Variants in NPIPB15 observed in about 807,000 individuals in gnomAD.
NPIPB15 encodes the protein nuclear pore complex interacting protein family member B15, also known as nuclear pore complex-interacting protein family member B15.
NPIPB15 carries 5 observed loss-of-function variants against 35.9 expected under a neutral mutation model. The observed-to-expected ratio is 0.14, with a 90% CI of 0.07 to 0.29. The LOEUF (loss-of-function observed/expected upper bound fraction) is 0.29, where lower values mean the gene tolerates loss of function less well. Ranked by LOEUF, NPIPB15 falls within the 10% of genes least tolerant of loss-of-function variation. The probability of loss-of-function intolerance (pLI) is 1.00; values close to 1 mark genes in which losing one functional copy is unlikely to be tolerated. For missense variants in NPIPB15, 100 were observed against 506.1 expected, an observed-to-expected ratio of 0.20 and a Z score of 7.70; for synonymous variants, 43 against 182.0, an observed-to-expected ratio of 0.24 and a Z score of 6.15.
At chr16:74,385,947 C>T (rs1353815437) in intron 5 of NPIPB15, among the ~76,000 whole-genome samples, 198 bp downstream of exon 5, 2 of 124,670 alleles carry the variant, frequency 1.6e-5, no homozygotes, top group Admixed American at 9.8e-5. Flanking sequence ...GTAATTTTTT[C>T]GGGGGAAGAG....
At chr16:74,379,789 C>T (rs1306589711) in intron 2 of NPIPB15, among the ~76,000 whole-genome samples, 3 of 151,748 alleles carry the variant, frequency 2.0e-5, no homozygotes, top group East Asian at 1.9e-4. Context: ...TGGGTTTCAC[C>T]GTGTTAGCTA....
At chr16:74,380,882 A>C (rs1474482133) in intron 2 of NPIPB15, among the ~76,000 whole-genome samples, 1 of 152,244 alleles carries the variant, frequency 6.6e-6, no homozygotes, top group East Asian at 1.9e-4. Context: ...ACGGTGGCTC[A>C]CACCTGTAAT....
intron 2 of NPIPB15, among the ~76,000 whole-genome samples, chr16:74,379,784 T>A (rs867635030): frequency 2.0e-5 from 3 of 151,620 alleles, no homozygotes; most frequent in African/African-American, 7.3e-5. Context: ...AGAGATGGGT[T>A]TCACCGTGTT....
At chr16:74,379,954 A>ATTTTTT (rs1172863582) in intron 2 of NPIPB15, among the ~76,000 whole-genome samples, 1 of 139,226 alleles carries the variant, frequency 7.2e-6, no homozygotes, top group African/African-American at 2.7e-5. Flanking sequence ...TCTTCATTGT[A>ATTTTTT]TTTTTTTTTT....
At chr16:74,379,897 A>C (rs1341936071) in intron 2 of NPIPB15, among the ~76,000 whole-genome samples, 2 of 151,600 alleles carry the variant, frequency 1.3e-5, no homozygotes, top group South Asian at 2.1e-4. Context: ...CCACCTTGTT[A>C]ATTTTTAAGC....
At chr16:74,384,666 CTATTTTTT>C (rs1567414018) in intron 3 of NPIPB15, among the ~76,000 whole-genome samples, 5 of 107,948 alleles carry the variant, frequency 4.6e-5, no homozygotes, top group African/African-American at 1.5e-4. Context: ...CGCACCTGGC[CTATTTTTT>C]TTTTTTTTTT....
At chr16:74,391,326 T>G in intron 7 of NPIPB15, 65 bp from the exon 8 acceptor site, 1 of 1,572,026 alleles carries the variant, frequency 6.4e-7, no homozygotes, top group Non-Finnish European at 8.6e-7. Context: ...CAGACTGTGT[T>G]GGTGGCGGTA....
Position 74,377,333 on chromosome 16 carries a change from G to A in NPIPB15, c.-36G>A, listed in dbSNP as rs2011711246. Reference sequence around the variant, plus strand: ...GCAGGGACAGGGAGCTGGTTGGGGAGGACCAGAAATCAGGTTTGTGAAGGT... The same window carrying A: ...GCAGGGACAGGGAGCTGGTTGGGGAAGACCAGAAATCAGGTTTGTGAAGGT... On this transcript the variant is annotated 5_prime_UTR_variant, in exon 1 of 8. Coordinates refer to ENST00000692376, the MANE Select transcript of NPIPB15 (RefSeq NM_001306094.2). 6.6e-6 allele frequency among the ~76,000 whole-genome samples: 1 copy of A among 152,006 alleles called. No individual in the cohort carries two copies. Among genetic ancestry groups the A allele is most frequent in the South Asian group, 2.1e-4 (1 of 4,820 alleles).
chr16:74,385,037 C>CA (rs1567414409), intron 3 of NPIPB15, among the ~76,000 whole-genome samples: 1 of 128,144 alleles, frequency 7.8e-6, no homozygotes, highest in Non-Finnish European at 1.7e-5. Context: ...GTGTGTGTGA[C>CA]AGAGTCTCAT....
chr16:74,389,418 G>T (rs562357157), intron 5 of NPIPB15, among the ~76,000 whole-genome samples: 380 of 149,922 alleles, frequency 2.5e-3, no homozygotes, highest in African/African-American at 8.9e-3. Context: ...TGTCACCCAG[G>T]CTGGAGTGCA....
chr16:74,384,995 G>T (rs562793962), intron 3 of NPIPB15, among the ~76,000 whole-genome samples: 37 of 16,392 alleles, frequency 2.3e-3, no homozygotes, highest in Admixed American at 8.3e-3. Context: ...TCATTCTTGT[G>T]TGTGTGTGTG....
intron 5 of NPIPB15, among the ~76,000 whole-genome samples, chr16:74,389,059 C>T (rs541269759): frequency 1.1e-3 from 164 of 148,730 alleles, no homozygotes; most frequent in East Asian, 5.6e-3. Context: ...TGTGGAAACT[C>T]GGTTCATACC....
At chr16:74,387,958 C>T (rs1242600411) in intron 5 of NPIPB15, among the ~76,000 whole-genome samples, 2 of 151,992 alleles carry the variant, frequency 1.3e-5, no homozygotes, top group African/African-American at 4.8e-5. Context: ...TGCCCTCAAA[C>T]TCTGTGAACT....
chr16:74,379,151 C>A (rs1197826101), intron 2 of NPIPB15, among the ~76,000 whole-genome samples: 2 of 152,366 alleles, frequency 1.3e-5, no homozygotes, highest in East Asian at 3.9e-4. Context: ...CTCTTCCCAG[C>A]CAGTCTCTTT....
rs1188203136 is a variant in NPIPB15 at position 74,376,855 on chromosome 16, T to C, written c.-514T>C. 6.8e-6 allele frequency among the ~76,000 whole-genome samples: 1 copy of C among 147,756 alleles called. No individual in the cohort carries two copies. The highest frequency in any genetic ancestry group is 1.5e-5 in the Non-Finnish European group (1 of 66,988). On this transcript the variant is annotated 5_prime_UTR_variant, in exon 1 of 8. Transcript: ENST00000692376. ...TGGATTCTTTCTTATGTTTATGTCT[T>C]ATAAGGGCACTTTGAATTTCCAAGC...
intron 5 of NPIPB15, among the ~76,000 whole-genome samples, chr16:74,386,277 AC>A (rs2012273810): frequency 9.5e-6 from 1 of 104,996 alleles, no homozygotes; most frequent in Non-Finnish European, 1.9e-5. Context: ...GAGCCACCAC[AC>A]CCAGCCTTTT....
chr16:74,381,736 T>C (rs1404058780), intron 3 of NPIPB15, 38 bp downstream of exon 3: 3 of 1,553,948 alleles, frequency 1.9e-6, no homozygotes, highest in Non-Finnish European at 2.6e-6. Flanking sequence ...ATACTTGTAA[T>C]CACAAATAAG....
chr16:74,384,918 T>C (rs1231221922), intron 3 of NPIPB15, among the ~76,000 whole-genome samples: 1 of 151,240 alleles, frequency 6.6e-6, no homozygotes, highest in Non-Finnish European at 1.5e-5. Context: ...CGACCTCAGG[T>C]GATCCACCTG....
intron 3 of NPIPB15, among the ~76,000 whole-genome samples, chr16:74,384,991 T>TGTG (rs2012188885): frequency 6.4e-5 from 6 of 93,480 alleles, no homozygotes; most frequent in Admixed American, 1.2e-4. Flanking sequence ...CATGTCATTC[T>TGTG]TGTGTGTGTG....
Sources: allele counts gnomAD v4.1 joint callset (sites outside exome capture counted in the v4.1 genomes callset), GRCh38; gene constraint gnomAD v4.1.1; transcripts MANE v1.5; gene names NCBI Gene and HGNC (gene_info 2026-07-23, HGNC 2026-07-21).